The following PTPRN2 variants were observed in gnomAD, a reference collection of about 807,000 sequenced individuals.
PTPRN2 encodes protein tyrosine phosphatase receptor type N2.
A neutral mutation model predicts 118.8 loss-of-function variants in PTPRN2; 74 were observed. The ratio of observed to expected loss-of-function variants is 0.62; its 90% CI spans 0.52 to 0.76. The LOEUF is 0.76. Ranked by LOEUF, PTPRN2 falls within the 30% of genes least tolerant of loss-of-function variation. The probability of loss-of-function intolerance (pLI) is 0.00; values close to 1 mark genes in which losing one functional copy is unlikely to be tolerated. For synonymous variants in PTPRN2, 641 were observed against 608.0 expected (o/e 1.05, Z -0.80); for missense variants, 1,481 against 1,394.4 (o/e 1.06, Z -0.99).
chr7:158,085,840 T>TCCACACCCAC (rs1563413480), intron 10 of PTPRN2, among the ~76,000 whole-genome samples: 48 of 67,744 alleles, frequency 7.1e-4, no homozygotes, highest in African/African-American at 2.5e-3. Flanking sequence ...TCCACACCCA[T>TCCACACCCAC]GACGCCCATC....
In PTPRN2 at chr7:158,466,454, A is replaced by C. The variant is rs75100551; in HGVS notation, c.163+23281T>G. 3.5e-3 allele frequency among the ~76,000 whole-genome samples: 532 copies of C among 152,104 alleles called. 3 individuals carry two copies. The highest frequency in any genetic ancestry group is 0.012 in the African/African-American group (490 of 41,460). ...GCCTGGCTTATTTCACTTACTTCAC[A>C]CTATTTACAACATCATGTCCTCCAG... On this transcript the variant is annotated intron_variant, in intron 2 of 22. Transcript: ENST00000389418.
At chr7:158,193,120 G>A (rs1390894756) in intron 4 of PTPRN2, among the ~76,000 whole-genome samples, 2 of 152,242 alleles carry the variant, frequency 1.3e-5, no homozygotes, top group Non-Finnish European at 2.9e-5. Flanking sequence ...TGCAGGGCAG[G>A]GACGCCGGAG....
intron 12 of PTPRN2, among the ~76,000 whole-genome samples, chr7:157,840,482 C>T (rs1240168804): frequency 6.6e-6 from 1 of 150,940 alleles, no homozygotes; most frequent in Non-Finnish European, 1.5e-5. Context: ...CCACGTGTGA[C>T]TGTGTGACTG....
At chr7:158,337,377 TCACCA>T (rs1345346501) in intron 2 of PTPRN2, among the ~76,000 whole-genome samples, 6 of 105,636 alleles carry the variant, frequency 5.7e-5, no homozygotes, top group South Asian at 3.3e-4. Context: ...ACCCACACTC[TCACCA>T]TAAGAGGTAA....
chr7:157,846,677 C>T (rs545941382), intron 12 of PTPRN2, among the ~76,000 whole-genome samples: 10 of 151,442 alleles, frequency 6.6e-5, no homozygotes, highest in East Asian at 5.8e-4. Context: ...CATGCGTGCC[C>T]GATGTCTACA....
At chr7:158,091,452 C>A (rs1300335368) in intron 10 of PTPRN2, among the ~76,000 whole-genome samples, 1 of 152,220 alleles carries the variant, frequency 6.6e-6, no homozygotes, top group Non-Finnish European at 1.5e-5. Context: ...AACAAAACTT[C>A]TGTAGACTGT....
At chr7:157,812,100 C>T (rs543364373) in intron 12 of PTPRN2, among the ~76,000 whole-genome samples, 6 of 152,292 alleles carry the variant, frequency 3.9e-5, no homozygotes, top group South Asian at 2.1e-4. Flanking sequence ...CTTATCAACC[C>T]GGCATCCCTC....
intron 1 of PTPRN2, among the ~76,000 whole-genome samples, chr7:158,571,294 G>A (rs956632817): frequency 7.1e-6 from 1 of 140,820 alleles, no homozygotes; most frequent in African/African-American, 2.6e-5. Flanking sequence ...AGACCAGTCT[G>A]ATGAAACCCC....
intron 12 of PTPRN2, among the ~76,000 whole-genome samples, chr7:157,791,941 G>T (rs879801624): frequency 6.6e-6 from 1 of 152,208 alleles, no homozygotes; most frequent in Non-Finnish European, 1.5e-5. Flanking sequence ...AAATATGTGC[G>T]GCTTTTCCTG....
intron 1 of PTPRN2, among the ~76,000 whole-genome samples, chr7:158,558,163 T>A (rs1827168041): frequency 6.6e-6 from 1 of 152,162 alleles, no homozygotes; most frequent in South Asian, 2.1e-4. Flanking sequence ...TTTTTCATTG[T>A]TCTGGAGAGA....
At position 158,071,427 on chromosome 7, in the gene PTPRN2, G is replaced by T. The variant is rs868199192; in HGVS notation, c.1723+9871C>A. ...GGTGGAGTTGCTCCTGGTGGTGGAG[G>T]TGCTCGTGGTGGTGGAGGTGCTCGT... On this transcript the variant is annotated intron_variant, in intron 11 of 22. Transcript: ENST00000389418. Among the ~76,000 whole-genome samples the T allele has an allele frequency of 3.4e-4, 29 of 85,362 alleles. 1 individual carries two copies. Among genetic ancestry groups the T allele is most frequent in the South Asian group, 1.0e-3 (2 of 1,942 alleles). 56.0% of individuals were successfully genotyped at this position (85,362 alleles called of 152,430 possible).
chr7:157,612,281 C>T (rs918480264), intron 15 of PTPRN2, among the ~76,000 whole-genome samples: 3 of 152,342 alleles, frequency 2.0e-5, no homozygotes, highest in Non-Finnish European at 4.4e-5. Flanking sequence ...GAACAGTTTG[C>T]TGTAACAGGA....
chr7:157,914,482 C>G (rs1798282501), intron 11 of PTPRN2, among the ~76,000 whole-genome samples: 1 of 152,190 alleles, frequency 6.6e-6, no homozygotes, highest in Non-Finnish European at 1.5e-5. Context: ...AATATTCTAA[C>G]TCTGCTGGAA....
chr7:158,037,233 T>C (rs923016234), intron 11 of PTPRN2, among the ~76,000 whole-genome samples: 1 of 152,238 alleles, frequency 6.6e-6, no homozygotes, highest in African/African-American at 2.4e-5. Context: ...CAAAGGAATA[T>C]CTCACTCAGC....
chr7:157,710,648 G>A (rs1406424643), intron 12 of PTPRN2, among the ~76,000 whole-genome samples: 3 of 152,128 alleles, frequency 2.0e-5, no homozygotes, highest in East Asian at 3.9e-4. Context: ...CATCTCTTCC[G>A]GAGGATCTTT....
chr7:157,557,572 A>ACACACACACT (rs780062067), intron 21 of PTPRN2, among the ~76,000 whole-genome samples: 1 of 148,886 alleles, frequency 6.7e-6, no homozygotes, highest in South Asian at 2.1e-4. Flanking sequence ...ACACACACAC[A>ACACACACACT]CTCTCCTGGG....
At chr7:158,396,317 C>G (rs1441885795) in intron 2 of PTPRN2, among the ~76,000 whole-genome samples, 1 of 152,202 alleles carries the variant, frequency 6.6e-6, no homozygotes, top group Non-Finnish European at 1.5e-5. Context: ...GCATATATCT[C>G]TATTTCAAAC....
chr7:157,694,864 G>A (rs1187769165), intron 12 of PTPRN2, among the ~76,000 whole-genome samples: 2 of 151,388 alleles, frequency 1.3e-5, no homozygotes, highest in Non-Finnish European at 2.9e-5. Flanking sequence ...TTTTAAACAT[G>A]ACACAAAATA....
chr7:158,080,369 G>C lies in PTPRN2; in HGVS notation c.1723+929C>G, dbSNP rs531162670. ...AGTTCATAGATTTAGCAATATAAAGGACTGGCTAAAACCAAGTGTCATTTC... is the reference window on the plus strand; with the variant it reads ...AGTTCATAGATTTAGCAATATAAAGCACTGGCTAAAACCAAGTGTCATTTC... On this transcript the variant is annotated intron_variant, in intron 11 of 22. Transcript: ENST00000389418. 8.4e-5 allele frequency among the ~76,000 whole-genome samples: 12 copies of C among 143,322 alleles called. No individual in the cohort carries two copies. In the East Asian group the frequency reaches 2.4e-3, roughly 28 times the overall value. The allele number at this position is 143,322 out of a possible 152,430, so 94.0% of individuals were successfully genotyped here. A position where few individuals can be genotyped will look rare whatever the true frequency, so the allele number is the denominator to read the frequency against.
Sources: allele counts gnomAD v4.1 joint callset (sites outside exome capture counted in the v4.1 genomes callset), GRCh38; gene constraint gnomAD v4.1.1; transcripts MANE v1.5; gene names NCBI Gene and HGNC (gene_info 2026-07-23, HGNC 2026-07-21).